NOL4L: variants seen among roughly 807,000 people sequenced by gnomAD.
NOL4L encodes nucleolar protein 4 like.
Under a neutral mutation model 64.5 loss-of-function variants are expected in NOL4L, and 7 were observed. That is an observed-to-expected ratio of 0.11 (90% CI 0.06 to 0.20). The LOEUF is 0.20. Among genes scored for constraint, NOL4L ranks in the 10% least tolerant of loss-of-function variants. The pLI is 1.00. For missense variants in NOL4L, 680 were observed against 967.1 expected, an observed-to-expected ratio of 0.70 and a Z score of 3.94; for synonymous variants, 413 against 401.0, an observed-to-expected ratio of 1.03 and a Z score of -0.36.
intron 1 of NOL4L, among the ~76,000 whole-genome samples, chr20:32,552,819 A>T (rs569301117): frequency 1.8e-4 from 27 of 152,224 alleles, no homozygotes; most frequent in African/African-American, 5.8e-4. Context: ...CCTGGCCAAC[A>T]TGGTGAAACC....
chr20:32,501,799 C>T (rs2145538579), intron 4 of NOL4L, among the ~76,000 whole-genome samples: 1 of 151,774 alleles, frequency 6.6e-6, no homozygotes, highest in East Asian at 1.9e-4. Flanking sequence ...CATCTGAGTA[C>T]ATAAAAATAA....
At chr20:32,518,953 C>T (rs907698487) in intron 3 of NOL4L, among the ~76,000 whole-genome samples, 5 of 152,220 alleles carry the variant, frequency 3.3e-5, no homozygotes, top group African/African-American at 9.6e-5. Context: ...TAACAGGAAC[C>T]GCAACAGCCA....
chr20:32,476,719 C>T (rs1219038166), intron 4 of NOL4L, among the ~76,000 whole-genome samples: 1 of 152,194 alleles, frequency 6.6e-6, no homozygotes, highest in African/African-American at 2.4e-5. Context: ...TCCTGGCCTG[C>T]CTGGCACCCC....
chr20:32,576,362 C>G (rs1023089354), intron 1 of NOL4L, among the ~76,000 whole-genome samples: 1 of 152,056 alleles, frequency 6.6e-6, no homozygotes, highest in African/African-American at 2.4e-5. Flanking sequence ...GTAGAACCAA[C>G]AGGATTTGCA....
At chr20:32,533,050 C>T (rs1395141543) in intron 1 of NOL4L, among the ~76,000 whole-genome samples, 1 of 152,204 alleles carries the variant, frequency 6.6e-6, no homozygotes, top group Non-Finnish European at 1.5e-5. Context: ...ACTCAGGATG[C>T]TGAGATGGGA....
intron 1 of NOL4L, among the ~76,000 whole-genome samples, chr20:32,540,292 CAG>C (rs2018631142): frequency 1.3e-5 from 2 of 152,350 alleles, no homozygotes; most frequent in East Asian, 3.9e-4. Flanking sequence ...GTCAGTCTGA[CAG>C]AGCCACTGTG....
intron 4 of NOL4L, among the ~76,000 whole-genome samples, chr20:32,500,015 T>C (rs778825941): frequency 3.9e-5 from 6 of 152,260 alleles, no homozygotes; most frequent in Non-Finnish European, 7.4e-5. Flanking sequence ...AAATGGAGTA[T>C]TTAACAAATG....
chr20:32,558,046 G>A (rs576475218), intron 1 of NOL4L, among the ~76,000 whole-genome samples: 6 of 152,316 alleles, frequency 3.9e-5, no homozygotes, highest in South Asian at 2.1e-4. Flanking sequence ...GAATGAAACC[G>A]TGTCTCAATG....
chr20:32,501,109 G>C (rs2016906466), intron 4 of NOL4L, among the ~76,000 whole-genome samples: 1 of 152,194 alleles, frequency 6.6e-6, no homozygotes, highest in Admixed American at 6.5e-5. Context: ...CTTGACAGGA[G>C]AGAAACCTGA....
chr20:32,457,833 C>T (rs1160668294), intron 5 of NOL4L, among the ~76,000 whole-genome samples: 6 of 152,220 alleles, frequency 3.9e-5, no homozygotes, highest in Admixed American at 3.3e-4. Context: ...CTCGGAGTCC[C>T]GGCCCGCGCT....
chr20:32,497,531 A>C (rs1486309186), intron 4 of NOL4L, among the ~76,000 whole-genome samples: 1 of 152,182 alleles, frequency 6.6e-6, no homozygotes. Context: ...AAAATATCCC[A>C]CTAGTTCTGG....
chr20:32,578,083 A>C (rs2145625475), intron 1 of NOL4L, among the ~76,000 whole-genome samples: 1 of 140,544 alleles, frequency 7.1e-6, no homozygotes, highest in South Asian at 2.5e-4. Context: ...CAGTAAGCCA[A>C]TATTGCGTCA....
chr20:32,544,994 CAGTGTGACTCCAGA>C lies in NOL4L; in HGVS notation c.322-17095_322-17082del, dbSNP rs1438613405. 1.1e-3 allele frequency among the ~76,000 whole-genome samples: 162 copies of C among 152,326 alleles called. 1 individual carries two copies. Among genetic ancestry groups the C allele is most frequent in the African/African-American group, 3.6e-3 (150 of 41,572 alleles). ...ATTGACAGCCAGGTTCAGATCTAGG[CAGTGTGACTCCAGA>C]CCCACACCACAGGTCCTAAGCAGGA... On this transcript the variant is annotated intron_variant, in intron 1 of 10. Transcript: ENST00000621426.
rs1231787842 is a variant in NOL4L, at chr20:32,511,598, A to G, written c.590-142T>C. 1.8e-5 allele frequency: 10 copies of G among 553,170 alleles called. No homozygotes were observed. In the Admixed American group the frequency reaches 2.1e-4, roughly 12 times the overall value. The allele number at this position is 553,170 out of a possible 1,614,324, so 34.3% of individuals were successfully genotyped here. On this transcript the variant is annotated intron_variant, in intron 3 of 10. Coordinates refer to ENST00000621426, the MANE Select transcript of NOL4L (RefSeq NM_001256798.2). ...TCAGAGGTCGCAGACTCTGTGGCTCACCCACATCTGGCCCAGAGATGTGGA... is the reference window on the plus strand; with the variant it reads ...TCAGAGGTCGCAGACTCTGTGGCTCGCCCACATCTGGCCCAGAGATGTGGA...
chr20:32,475,136 A>G (rs1355145089), intron 4 of NOL4L: 2 of 985,346 alleles, frequency 2.0e-6, no homozygotes, highest in African/African-American at 3.5e-5. Context: ...GGCGGCAAGA[A>G]GCGGGCAGCA....
At chr20:32,554,001 T>G (rs916853884) in intron 1 of NOL4L, among the ~76,000 whole-genome samples, 3 of 152,202 alleles carry the variant, frequency 2.0e-5, no homozygotes, top group African/African-American at 7.2e-5. Flanking sequence ...GACCCTACAA[T>G]AAACCATTTG....
chr20:32,498,717 T>C (rs1449380120), intron 4 of NOL4L, among the ~76,000 whole-genome samples: 1 of 145,214 alleles, frequency 6.9e-6, no homozygotes, highest in East Asian at 2.2e-4. Context: ...GAGCTGTGAT[T>C]GCACCACTGC....
At chr20:32,457,455 G>A (rs1456305510) in intron 5 of NOL4L, among the ~76,000 whole-genome samples, 4 of 151,174 alleles carry the variant, frequency 2.6e-5, no homozygotes, top group African/African-American at 4.9e-5. Flanking sequence ...GGGTCACGCC[G>A]GACCCCACCC....
At chr20:32,475,551 G>T (rs1221189816) in intron 4 of NOL4L, among the ~76,000 whole-genome samples, 1 of 152,238 alleles carries the variant, frequency 6.6e-6, no homozygotes, top group Non-Finnish European at 1.5e-5. Context: ...CCGGGGCGGG[G>T]CCCCTTCAAC....
Sources: gnomAD v4.1 joint callset for allele counts (sites outside exome capture counted in the v4.1 genomes callset) on GRCh38, gnomAD v4.1.1 for gene constraint, MANE v1.5 for transcripts, NCBI Gene and HGNC (gene_info 2026-07-23, HGNC 2026-07-21) for gene names.